The following MPRIP variants were observed in gnomAD, a reference collection of about 807,000 sequenced individuals.
MPRIP encodes the protein myosin phosphatase Rho-interacting protein.
MPRIP carries 59 observed loss-of-function variants against 234.9 expected under a neutral mutation model. The observed-to-expected ratio is 0.25, with a 90% confidence interval of 0.20 to 0.31. The LOEUF is 0.31. Ranked by LOEUF, MPRIP falls within the 10% of genes least tolerant of loss-of-function variation. The pLI is 1.00. For missense variants in MPRIP, 2,436 were observed against 3,071.0 expected (o/e 0.79, Z 4.89); for synonymous variants, 1,144 against 1,263.9 (o/e 0.91, Z 2.01).
At chr17:17,180,860 G>A (rs1306956030) in intron 23 of MPRIP, among the ~76,000 whole-genome samples, 2 of 152,234 alleles carry the variant, frequency 1.3e-5, no homozygotes, top group Admixed American at 6.5e-5. Flanking sequence ...TGGCAGTGAG[G>A]TGCTCCTCTA....
intron 3 of MPRIP, among the ~76,000 whole-genome samples, chr17:17,086,895 C>A (rs970043534): frequency 3.3e-5 from 5 of 152,148 alleles, no homozygotes; most frequent in East Asian, 1.9e-4. Flanking sequence ...GAGCTTTAAG[C>A]CCCCTCCCTT....
At chr17:17,177,487 G>T in intron 22 of MPRIP, 75 bp downstream of exon 22, 1 of 1,506,562 alleles carries the variant, frequency 6.6e-7, no homozygotes, top group Non-Finnish European at 9.0e-7. Flanking sequence ...GTTTCCCGGT[G>T]CTTGACTTGA....
chr17:17,154,645 G>A (rs1048273680), intron 13 of MPRIP, among the ~76,000 whole-genome samples: 12 of 152,234 alleles, frequency 7.9e-5, no homozygotes, highest in African/African-American at 2.7e-4. Context: ...CTTGCAGGTA[G>A]CATGTGTGCT....
chr17:17,147,529 G>T (rs2045500258), intron 11 of MPRIP, 142 bp downstream of exon 11: 2 of 760,314 alleles, frequency 2.6e-6, no homozygotes, highest in Admixed American at 2.1e-5. Flanking sequence ...CTTGCCGAAG[G>T]TATGTCCATG....
intron 3 of MPRIP, among the ~76,000 whole-genome samples, chr17:17,094,671 C>T (rs2089800055): frequency 6.6e-6 from 1 of 150,630 alleles, no homozygotes; most frequent in African/African-American, 2.5e-5. Flanking sequence ...GGTACAGTAG[C>T]ACAATGTTGG....
In MPRIP at chr17:17,186,090, G is replaced by C. The variant is rs1374200894; in HGVS notation, c.*1196G>C. On this transcript the variant is annotated 3_prime_UTR_variant, in exon 24 of 24. Coordinates refer to ENST00000651222, the MANE Select transcript of MPRIP (RefSeq NM_001364716.4). ...AAATTGGAGTCTATTATGGCCCCAT[G>C]AAAACCATTAATCCCATTAAGATAG... The C allele has an allele frequency of 6.5e-6, 1 of 153,556 alleles. No homozygotes were observed. Among genetic ancestry groups the C allele is most frequent in the Non-Finnish European group, 1.4e-5 (1 of 69,124 alleles). The allele number at this position is 153,556 out of a possible 1,614,324, so 9.5% of individuals were successfully genotyped here.
chr17:17,079,054 C>G (rs1426222020), intron 3 of MPRIP, among the ~76,000 whole-genome samples: 1 of 152,140 alleles, frequency 6.6e-6, no homozygotes, highest in Non-Finnish European at 1.5e-5. Context: ...GAGGTACCTT[C>G]CAGACTGCGG....
chr17:17,058,592 T>C (rs904093373), intron 1 of MPRIP, among the ~76,000 whole-genome samples: 3 of 152,066 alleles, frequency 2.0e-5, no homozygotes, highest in East Asian at 1.9e-4. Context: ...TCCAGGTCCA[T>C]TGAGAAACAG....
Position 17,102,388 on chromosome 17 carries a change from G to A in MPRIP, c.267+24312G>A, listed in dbSNP as rs566428314. Among the ~76,000 whole-genome samples the A allele has an allele frequency of 3.3e-5, 5 of 152,340 alleles. No homozygotes were observed. In the South Asian group the frequency reaches 8.3e-4, roughly 25 times the overall value. ...TGCCAAGAAAGCCAATCCCTCTGCTGCCCCTTCAGTGCTGAGACACCTGGG... is the reference window on the plus strand; with the variant it reads ...TGCCAAGAAAGCCAATCCCTCTGCTACCCCTTCAGTGCTGAGACACCTGGG... On this transcript the variant is annotated intron_variant, in intron 3 of 23. Transcript: ENST00000651222.
Position 17,180,526 on chromosome 17 carries a change from G to A in MPRIP, c.7206+438G>A, listed in dbSNP as rs534613380. On this transcript the variant is annotated intron_variant, in intron 23 of 23. Coordinates refer to ENST00000651222, the MANE Select transcript of MPRIP (RefSeq NM_001364716.4). ...TGCTGTCCAGAGCCAGCCATGCACA[G>A]GAGGGCGGGCGGAGGTGGGAGCGGC... 1.8e-4 allele frequency: 239 copies of A among 1,297,564 alleles called. 1 individual carries two copies. Among genetic ancestry groups the A allele is most frequent in the Middle Eastern group, 3.7e-4 (2 of 5,456 alleles). 80.4% of individuals were successfully genotyped at this position (1,297,564 alleles called of 1,614,324 possible).
chr17:17,153,338 C>T (rs2045646766), intron 12 of MPRIP, among the ~76,000 whole-genome samples: 1 of 152,138 alleles, frequency 6.6e-6, no homozygotes, highest in Non-Finnish European at 1.5e-5. Flanking sequence ...ACTGACCTGG[C>T]TGCTGAGTCT....
At chr17:17,094,855 G>A (rs2089803531) in intron 3 of MPRIP, among the ~76,000 whole-genome samples, 1 of 151,972 alleles carries the variant, frequency 6.6e-6, no homozygotes, top group Admixed American at 6.6e-5. Flanking sequence ...CAAGCAATCT[G>A]CCCACCTTGG....
Position 17,165,761 on chromosome 17 carries a change from C to G in MPRIP, c.4170C>G (p.Leu1390=), listed in dbSNP as rs1045042357. The G allele has an allele frequency of 1.5e-6, 2 of 1,304,798 alleles. No individual in the cohort carries two copies. Among genetic ancestry groups the G allele is most frequent in the Middle Eastern group, 2.1e-4 (1 of 4,700 alleles). The allele number at this position is 1,304,798 out of a possible 1,614,324, so 80.8% of individuals were successfully genotyped here. The change falls in exon 16 of 24, where the codon CTC becomes CTG. Residue 1390 remains leucine, a synonymous_variant. Coordinates refer to ENST00000651222, the MANE Select transcript of MPRIP (RefSeq NM_001364716.4). ...LSIIHSLETK[L]YVTEEKLKDV... Reference sequence around the variant, plus strand: ...TCATCCACTCCCTGGAGACCAAGCTCTACGTCACAGAGGAAAAGCTCAAAG... The same window carrying G: ...TCATCCACTCCCTGGAGACCAAGCTGTACGTCACAGAGGAAAAGCTCAAAG...
chr17:17,050,050 G>A (rs564393842), intron 1 of MPRIP, among the ~76,000 whole-genome samples: 3 of 152,276 alleles, frequency 2.0e-5, no homozygotes, highest in East Asian at 1.9e-4. Context: ...AGTCGGGGCC[G>A]GGCACAGTGG....
At chr17:17,114,039 A>C (rs2090230869) in intron 3 of MPRIP, among the ~76,000 whole-genome samples, 1 of 150,968 alleles carries the variant, frequency 6.6e-6, no homozygotes, top group Non-Finnish European at 1.5e-5. Flanking sequence ...AGAGTACACC[A>C]CCACATCTGG....
chr17:17,103,216 T>G (rs1281518885), intron 3 of MPRIP, among the ~76,000 whole-genome samples: 4 of 152,002 alleles, frequency 2.6e-5, no homozygotes, highest in Non-Finnish European at 5.9e-5. Flanking sequence ...GATGAGGAGG[T>G]TATGTCAGAT....
intron 3 of MPRIP, among the ~76,000 whole-genome samples, chr17:17,123,890 T>C (rs1444581924): frequency 6.6e-6 from 1 of 152,094 alleles, no homozygotes; most frequent in Non-Finnish European, 1.5e-5. Context: ...CCTTTCTCTG[T>C]GTGTGATAGG....
chr17:17,115,493 C>G (rs971836577), intron 3 of MPRIP, among the ~76,000 whole-genome samples: 1 of 152,230 alleles, frequency 6.6e-6, no homozygotes, highest in Non-Finnish European at 1.5e-5. Context: ...GAAGGCCTGG[C>G]CTGCTTGCTG....
chr17:17,053,197 T>C (rs1391606272), intron 1 of MPRIP, among the ~76,000 whole-genome samples: 1 of 152,070 alleles, frequency 6.6e-6, no homozygotes, highest in Non-Finnish European at 1.5e-5. Context: ...TTCATTTCAG[T>C]GCGCCCAGGC....
Sources: gnomAD v4.1 joint callset for allele counts (sites outside exome capture counted in the v4.1 genomes callset) on GRCh38, gnomAD v4.1.1 for gene constraint, MANE v1.5 for transcripts, NCBI Gene and HGNC (gene_info 2026-07-23, HGNC 2026-07-21) for gene names.